Variants in LMNB1 observed in about 807,000 individuals in gnomAD.
LMNB1 encodes lamin B1, also known as lamin-B1.
A neutral mutation model predicts 67.1 loss-of-function variants in LMNB1; 23 were observed. The observed-to-expected ratio is 0.34, with a 90% CI of 0.25 to 0.49. The LOEUF (loss-of-function observed/expected upper bound fraction) is 0.49, where lower values mean the gene tolerates loss of function less well. Among genes scored for constraint, LMNB1 ranks in the 20% least tolerant of loss-of-function variants. The pLI, the probability that LMNB1 is intolerant of heterozygous loss-of-function variation, is 0.99. For synonymous variants in LMNB1, 281 were observed against 282.9 expected, an observed-to-expected ratio of 0.99 and a Z score of 0.07; for missense variants, 634 against 746.5, an observed-to-expected ratio of 0.85 and a Z score of 1.76.
chr5:126,795,949 T>TTTTTTTTTTTTTTTTG (rs1751079121), intron 1 of LMNB1, among the ~76,000 whole-genome samples: 1 of 145,206 alleles, frequency 6.9e-6, no homozygotes. Flanking sequence ...TTTTTTTTTT[T>TTTTTTTTTTTTTTTTG]GAGACGGAGT....
At chr5:126,816,851 A>G (rs1751721019) in intron 5 of LMNB1, among the ~76,000 whole-genome samples, 1 of 152,216 alleles carries the variant, frequency 6.6e-6, no homozygotes, top group African/African-American at 2.4e-5. Context: ...ACCACATGAC[A>G]TCACTGGTGG....
chr5:126,793,928 G>C (rs1751027123), intron 1 of LMNB1, among the ~76,000 whole-genome samples: 2 of 148,758 alleles, frequency 1.3e-5, no homozygotes, highest in Non-Finnish European at 3.0e-5. Flanking sequence ...AGACCTTCTA[G>C]AGTTTTTGTG....
chr5:126,809,538 T>G (rs1751533355), intron 3 of LMNB1, among the ~76,000 whole-genome samples: 1 of 151,946 alleles, frequency 6.6e-6, no homozygotes, highest in Non-Finnish European at 1.5e-5. Flanking sequence ...AATACAAAAA[T>G]TAGCTGGGCA....
At chr5:126,782,078 C>T (rs1170885115) in intron 1 of LMNB1, among the ~76,000 whole-genome samples, 1 of 152,196 alleles carries the variant, frequency 6.6e-6, no homozygotes. Context: ...TGCCATCACT[C>T]AACACTTTAA....
chr5:126,825,756 C>T (rs947335809), intron 8 of LMNB1, among the ~76,000 whole-genome samples: 2 of 152,118 alleles, frequency 1.3e-5, no homozygotes, highest in Non-Finnish European at 2.9e-5. Context: ...TGAGTGTAGG[C>T]AGTTTTACTT....
chr5:126,787,546 A>ATATATATATATATATATTTTTT, intron 1 of LMNB1, among the ~76,000 whole-genome samples: 2 of 65,572 alleles, frequency 3.1e-5, no homozygotes, highest in Non-Finnish European at 5.5e-5. Context: ...ATATATATAT[A>ATATATATATATATATATTTTTT]TTTTTTTTTT....
chr5:126,833,240 A>G (rs567619747), intron 10 of LMNB1, among the ~76,000 whole-genome samples: 2 of 152,344 alleles, frequency 1.3e-5, no homozygotes, highest in South Asian at 4.1e-4. Context: ...TAAGTTCCTA[A>G]TCATTATCTA....
At chr5:126,834,780 G>A (rs930504242) in intron 10 of LMNB1, among the ~76,000 whole-genome samples, 1 of 152,178 alleles carries the variant, frequency 6.6e-6, no homozygotes, top group African/African-American at 2.4e-5. Context: ...GGAGGCTGAG[G>A]CAGGAGAATG....
intron 1 of LMNB1, among the ~76,000 whole-genome samples, chr5:126,787,546 A>ATATATATATATATT: frequency 1.5e-5 from 1 of 65,584 alleles, no homozygotes; most frequent in African/African-American, 6.6e-5. Flanking sequence ...ATATATATAT[A>ATATATATATATATT]TTTTTTTTTT....
At chr5:126,824,099 G>T (rs1281312252) in intron 8 of LMNB1, among the ~76,000 whole-genome samples, 1 of 152,126 alleles carries the variant, frequency 6.6e-6, no homozygotes, top group Non-Finnish European at 1.5e-5. Context: ...ATAAAATAAT[G>T]TGATACTTTT....
At chr5:126,799,761 C>T (rs758861123) in intron 1 of LMNB1, among the ~76,000 whole-genome samples, 2 of 152,148 alleles carry the variant, frequency 1.3e-5, no homozygotes, top group Non-Finnish European at 2.9e-5. Context: ...CGCACCGTCT[C>T]GAAACTCTCC....
rs189501381 is a variant in LMNB1, at chr5:126,836,596, C to T, written c.*332C>T. ...TGAGGAGGGGAGGGTAAATAAACCA[C>T]TGTGCGTCTTGGTGTAATTTGAAGA... On this transcript the variant is annotated 3_prime_UTR_variant, in exon 11 of 11. Coordinates refer to ENST00000261366, the MANE Select transcript of LMNB1 (RefSeq NM_005573.4). The T allele has an allele frequency of 1.4e-5, 5 of 348,154 alleles. No homozygotes were observed. In the Admixed American group the frequency reaches 2.3e-4, roughly 16 times the overall value. The allele number at this position is 348,154 out of a possible 1,614,324, so 21.6% of individuals were successfully genotyped here. A position where few individuals can be genotyped will look rare whatever the true frequency, so the allele number is the denominator to read the frequency against.
At chr5:126,777,996 G>GGGTCTC in intron 1 of LMNB1, 129 bp downstream of exon 1, 1 of 826,744 alleles carries the variant, frequency 1.2e-6, no homozygotes, top group East Asian at 3.3e-5. Flanking sequence ...TGAAGGAACA[G>GGGTCTC]GGTCTCGGTC....
At chr5:126,812,533 G>C (rs984304548) in intron 5 of LMNB1, among the ~76,000 whole-genome samples, 2 of 152,110 alleles carry the variant, frequency 1.3e-5, no homozygotes, top group African/African-American at 4.8e-5. Flanking sequence ...CACTACTTCA[G>C]ATCAGTTTTA....
At position 126,777,217 on chromosome 5, in the gene LMNB1, C is replaced by G. The variant is rs1448346854; in HGVS notation, c.-292C>G. 2.9e-5 allele frequency: 9 copies of G among 306,692 alleles called. No homozygotes were observed. Among genetic ancestry groups the G allele is most frequent in the Admixed American group, 5.1e-5 (1 of 19,614 alleles). 19.0% of individuals were successfully genotyped at this position (306,692 alleles called of 1,614,324 possible). On this transcript the variant is annotated 5_prime_UTR_variant, in exon 1 of 11. Coordinates refer to ENST00000261366, the MANE Select transcript of LMNB1 (RefSeq NM_005573.4). ...GAACCCTGCTGGGCCTCCAGTCACC[C>G]TCGTCTTGCATTTTCCCGCGTGCGT...
intron 1 of LMNB1, among the ~76,000 whole-genome samples, chr5:126,803,296 A>G (rs907298838): frequency 3.3e-5 from 5 of 151,796 alleles, no homozygotes; most frequent in African/African-American, 1.2e-4. Context: ...CCCAGGCTGG[A>G]GTGCAATGGC....
At chr5:126,825,742 G>A (rs150352852) in intron 8 of LMNB1, among the ~76,000 whole-genome samples, 59 of 152,264 alleles carry the variant, frequency 3.9e-4, no homozygotes, top group African/African-American at 1.1e-3. Flanking sequence ...AAGGAACTAG[G>A]ATGTGAGTGT....
At chr5:126,816,779 G>A (rs1314903177) in intron 5 of LMNB1, among the ~76,000 whole-genome samples, 1 of 152,192 alleles carries the variant, frequency 6.6e-6, no homozygotes, top group Non-Finnish European at 1.5e-5. Flanking sequence ...TGATTAGACT[G>A]GGGTTTTGGG....
chr5:126,820,715 G>A (rs963025626), intron 6 of LMNB1, among the ~76,000 whole-genome samples, 195 bp from the exon 7 acceptor site: 3 of 151,798 alleles, frequency 2.0e-5, no homozygotes, highest in South Asian at 2.1e-4. Context: ...TAGTAGAGAC[G>A]GGGTTTCACC....
Sources: allele counts gnomAD v4.1 joint callset (sites outside exome capture counted in the v4.1 genomes callset), GRCh38; gene constraint gnomAD v4.1.1; transcripts MANE v1.5; gene names NCBI Gene and HGNC (gene_info 2026-07-23, HGNC 2026-07-21).